MIA2: variants seen among roughly 807,000 people sequenced by gnomAD.
The protein encoded by MIA2 is MIA SH3 domain ER export factor 2.
A neutral mutation model predicts 167.8 loss-of-function variants in MIA2; 127 were observed. The ratio of observed to expected loss-of-function variants is 0.76; its 90% confidence interval spans 0.66 to 0.88. The LOEUF (loss-of-function observed/expected upper bound fraction) is 0.88. Among genes scored for constraint, MIA2 ranks in the 40% least tolerant of loss-of-function variants. MIA2 has a pLI of 0.00. For synonymous variants in MIA2, 552 were observed against 541.9 expected (o/e 1.02, Z -0.26); for missense variants, 1,690 against 1,624.7 (o/e 1.04, Z -0.69).
intron 9 of MIA2, among the ~76,000 whole-genome samples, chr14:39,289,261 C>T (rs1324064476): frequency 6.6e-6 from 1 of 151,100 alleles, no homozygotes; most frequent in Non-Finnish European, 1.5e-5. Flanking sequence ...TGCTATGTCA[C>T]TCAGGCTGGA....
chr14:39,371,981 A>T (rs1595955208), intron 23 of MIA2, among the ~76,000 whole-genome samples: 1 of 151,834 alleles, frequency 6.6e-6, no homozygotes, highest in African/African-American at 2.4e-5. Context: ...AAATTGGAAA[A>T]TTTTAGCAAA....
In MIA2 at chr14:39,280,462, G is replaced by A. The variant is rs533413196; in HGVS notation, c.2130+925G>A. Among the ~76,000 whole-genome samples, 6 of 152,266 alleles carry A rather than the reference G, an allele frequency of 3.9e-5. 1 individual carries two copies. The highest frequency in any genetic ancestry group is 1.2e-4 in the African/African-American group (5 of 41,558). On this transcript the variant is annotated intron_variant, in intron 9 of 28. Transcript: ENST00000640607. ...TAAGATAAGAAACCGGCTGGGCACG[G>A]TGGCTCATGCTTGTAATCCCAGCAC...
At chr14:39,300,527 A>G (rs1435297061) in intron 14 of MIA2, among the ~76,000 whole-genome samples, 1 of 152,038 alleles carries the variant, frequency 6.6e-6, no homozygotes, top group Non-Finnish European at 1.5e-5. Context: ...AAATAATGAT[A>G]TGTAAAACTA....
Position 39,277,740 on chromosome 14 carries a change from A to ATGTGTG in MIA2, c.2019+676_2019+677insGTGTGT, listed in dbSNP as rs1792629013. Among the ~76,000 whole-genome samples, 5 of 3,696 alleles carry ATGTGTG rather than the reference A, an allele frequency of 1.4e-3. 2 individuals are homozygous for ATGTGTG. The highest frequency in any genetic ancestry group is 0.011 in the Admixed American group (5 of 444). 2.4% of individuals were successfully genotyped at this position (3,696 alleles called of 152,430 possible). The stretch of plus-strand genomic sequence containing the variant: ...TGTGTGTATATATATATATATATAT[A>ATGTGTG]TATGTGTGTATATATATATATATAT... On this transcript the variant is annotated intron_variant, in intron 7 of 28. Transcript: ENST00000640607.
intron 14 of MIA2, 121 bp from the exon 15 acceptor site, chr14:39,302,008 G>A (rs1343362038): frequency 1.9e-6 from 2 of 1,072,864 alleles, no homozygotes; most frequent in African/African-American, 3.2e-5. Flanking sequence ...TGGAAAATAA[G>A]AGCTCTTGTG....
At chr14:39,379,138 T>TA (rs1161194287) in intron 23 of MIA2, among the ~76,000 whole-genome samples, 2 of 151,428 alleles carry the variant, frequency 1.3e-5, no homozygotes, top group African/African-American at 4.8e-5. Flanking sequence ...TATAGTCTTT[T>TA]ATAATTTTTT....
chr14:39,358,498 G>A (rs948013352), intron 23 of MIA2, among the ~76,000 whole-genome samples: 13 of 152,146 alleles, frequency 8.5e-5, no homozygotes, highest in Admixed American at 2.6e-4. Flanking sequence ...CCATGGGTTC[G>A]AACTTCCTCC....
chr14:39,353,104 A>C (rs946967868), downstream of MIA2, among the ~76,000 whole-genome samples: 2 of 151,464 alleles, frequency 1.3e-5, no homozygotes, highest in Non-Finnish European at 2.9e-5. Flanking sequence ...GGTACATGTG[A>C]GTGTTACTTG....
At position 39,272,276 on chromosome 14, in the gene MIA2, C is replaced by T. The variant is rs139488629; in HGVS notation, c.1888-4658C>T. 1.5e-3 allele frequency among the ~76,000 whole-genome samples: 226 copies of T among 152,176 alleles called. 4 individuals are homozygous for T. In the East Asian group the frequency reaches 0.033, roughly 22 times the overall value. On this transcript the variant is annotated intron_variant, in intron 6 of 28. Coordinates refer to ENST00000640607, the MANE Select transcript of MIA2 (RefSeq NM_001329214.4). ...CTGAGGCAGGAGAATCGCTTGAACCCGGGAGGCGGAGGTTGCCGTGAGCTG... is the reference window on the plus strand; with the variant it reads ...CTGAGGCAGGAGAATCGCTTGAACCTGGGAGGCGGAGGTTGCCGTGAGCTG...
chr14:39,277,744 G>A (rs1245003988), intron 7 of MIA2, among the ~76,000 whole-genome samples: 2 of 2,202 alleles, frequency 9.1e-4, no homozygotes, highest in South Asian at 0.017. Context: ...ATATATATAT[G>A]TGTGTATATA....
rs1418545763 is a variant in MIA2 at position 39,388,376 on chromosome 14, C to G, written c.*1424C>G. ...CCTGTTTTTTCATGTCTTTCCATAT[C>G]CCTTTAAGTCTAAATTTTATGTCCT... On this transcript the variant is annotated 3_prime_UTR_variant, in exon 24 of 24. Coordinates refer to the MIA2 transcript ENST00000341502. The surrounding 1 kb of genome is among the most constrained non-coding windows in gnomAD (Gnocchi z 4.1). The G allele has an allele frequency of 3.4e-5, 5 of 146,008 alleles. No individual in the cohort carries two copies. Among genetic ancestry groups the G allele is most frequent in the African/African-American group, 1.2e-4 (5 of 40,236 alleles). The allele number at this position is 146,008 out of a possible 1,614,324, so 9.0% of individuals were successfully genotyped here.
chr14:39,266,729 C>A, intron 6 of MIA2: 1 of 983,818 alleles, frequency 1.0e-6, no homozygotes, highest in East Asian at 1.2e-4. Context: ...CGGGGTCTCC[C>A]GGGGTACGCC....
chr14:39,288,633 T>C (rs1433809029), intron 9 of MIA2, among the ~76,000 whole-genome samples: 9 of 151,148 alleles, frequency 6.0e-5, no homozygotes, highest in Non-Finnish European at 1.3e-4. Context: ...TGGCTAATTT[T>C]TGTATTTTTA....
At chr14:39,346,699 A>C (rs1449618494) in intron 26 of MIA2, among the ~76,000 whole-genome samples, 1 of 148,620 alleles carries the variant, frequency 6.7e-6, no homozygotes, top group Admixed American at 6.7e-5. Flanking sequence ...TATATATATA[A>C]TTTTAAAAAT....
At chr14:39,261,500 T>A (rs892237010) in intron 6 of MIA2, among the ~76,000 whole-genome samples, 1 of 152,184 alleles carries the variant, frequency 6.6e-6, no homozygotes, top group African/African-American at 2.4e-5. Context: ...TTTGGGTATA[T>A]ACCCAGTAAT....
At chr14:39,375,950 T>C (rs192859982) in intron 23 of MIA2, among the ~76,000 whole-genome samples, 1 of 152,132 alleles carries the variant, frequency 6.6e-6, no homozygotes, top group Non-Finnish European at 1.5e-5. Flanking sequence ...CAGTGAAAAA[T>C]TGATTTTTTT....
intron 23 of MIA2, among the ~76,000 whole-genome samples, chr14:39,375,420 G>T (rs1273458541): frequency 1.3e-5 from 2 of 152,220 alleles, no homozygotes; most frequent in African/African-American, 2.4e-5. Context: ...TCCAGGCCAG[G>T]CATGGTGGCT....
chr14:39,249,204 G>T (rs368340865), intron 4 of MIA2, among the ~76,000 whole-genome samples: 3 of 152,084 alleles, frequency 2.0e-5, no homozygotes, highest in African/African-American at 7.2e-5. Context: ...GCAGTGGTGC[G>T]ATCACAGTTC....
intron 1 of MIA2, among the ~76,000 whole-genome samples, chr14:39,235,620 A>G (rs1047388854): frequency 1.3e-5 from 2 of 151,914 alleles, no homozygotes; most frequent in African/African-American, 4.8e-5. Context: ...TCTACAAAAA[A>G]TCAAAAAAGT....
Sources: gnomAD v4.1 joint callset for allele counts (sites outside exome capture counted in the v4.1 genomes callset) on GRCh38, gnomAD v4.1.1 for gene constraint, Gnocchi (gnomAD v3.1) non-coding constraint, MANE v1.5 for transcripts, NCBI Gene and HGNC (gene_info 2026-07-23, HGNC 2026-07-21) for gene names.